Variants in CENPP observed in about 807,000 individuals in gnomAD.
The protein encoded by CENPP is centromere protein P.
In CENPP, 24 loss-of-function variants were observed where a neutral mutation model predicts 35.6. The ratio of observed to expected loss-of-function variants is 0.67; its 90% CI spans 0.49 to 0.95. The LOEUF is 0.95. Ranked by LOEUF, CENPP falls within the 40% of genes least tolerant of loss-of-function variation. The pLI, the probability that CENPP is intolerant of heterozygous loss-of-function variation, is 0.00. For missense variants in CENPP, 332 were observed against 345.3 expected (o/e 0.96, Z 0.31); for synonymous variants, 120 against 125.5 (o/e 0.96, Z 0.29).
intron 5 of CENPP, among the ~76,000 whole-genome samples, chr9:92,446,102 C>T (rs1404656148): frequency 6.6e-6 from 1 of 152,112 alleles, no homozygotes; most frequent in Admixed American, 6.5e-5. Context: ...CTCTCCATCA[C>T]TGGAAGTCTT....
chr9:92,352,021 T>C (rs1003187279), intron 4 of CENPP, among the ~76,000 whole-genome samples: 1 of 149,712 alleles, frequency 6.7e-6, no homozygotes, highest in African/African-American at 2.5e-5. Context: ...CTTTTTCTTT[T>C]CCTTTTTTTT....
chr9:92,415,124 C>G (rs1319535611), intron 5 of CENPP: 1 of 1,524,102 alleles, frequency 6.6e-7, no homozygotes, highest in Non-Finnish European at 8.8e-7. Flanking sequence ...TTTGTGAAGT[C>G]GTAAGTGTAT....
At chr9:92,610,976 C>T (rs566602281) in intron 5 of CENPP, 54 of 372,480 alleles carry the variant, frequency 1.4e-4, no homozygotes, top group African/African-American at 7.4e-4. Context: ...CTCTCCAGAC[C>T]GTCTGGGTTG....
chr9:92,611,125 T>G, intron 5 of CENPP, 189 bp from the exon 6 acceptor site: 4 of 621,180 alleles, frequency 6.4e-6, no homozygotes, highest in Middle Eastern at 4.3e-4. Flanking sequence ...CTGGAGGCTG[T>G]GGAGAGACCT....
chr9:92,417,061 TCTTTCC>T, intron 5 of CENPP: 1 of 1,613,834 alleles, frequency 6.2e-7, no homozygotes, highest in South Asian at 1.1e-5. Context: ...CAAGAAGGAG[TCTTTCC>T]AGAGATTTAG....
intron 4 of CENPP, among the ~76,000 whole-genome samples, chr9:92,361,074 A>G (rs772426817): frequency 6.6e-6 from 1 of 151,996 alleles, no homozygotes; most frequent in Non-Finnish European, 1.5e-5. Flanking sequence ...GACATGTTGC[A>G]TGTATCATGG....
intron 5 of CENPP, chr9:92,460,425 A>T (rs1467896926): frequency 4.4e-6 from 5 of 1,142,514 alleles, no homozygotes; most frequent in Non-Finnish European, 6.6e-6. Context: ...GTCCCTGTGC[A>T]CATTCTCCAG....
At chr9:92,333,535 T>G (rs1564262861) in intron 2 of CENPP, among the ~76,000 whole-genome samples, 1 of 152,222 alleles carries the variant, frequency 6.6e-6, no homozygotes, top group East Asian at 1.9e-4. Context: ...TTTTTTCCTG[T>G]GAGTAATATG....
rs376555184 is a variant in CENPP, at chr9:92,416,589, C to T, written c.564+36730C>T. On this transcript the variant is annotated intron_variant, in intron 5 of 7. Transcript: ENST00000375587. Reference sequence around the variant, plus strand: ...AAAAGATCAGGATTCCATTCTTTCTCTCTTCAAAACACAATAAAAGTCTAC... The same window carrying T: ...AAAAGATCAGGATTCCATTCTTTCTTTCTTCAAAACACAATAAAAGTCTAC... The T allele has an allele frequency of 2.2e-4, 284 of 1,302,216 alleles. 2 individuals carry two copies. The highest frequency in any genetic ancestry group is 6.3e-5 in the Non-Finnish European group (60 of 946,098). The allele number at this position is 1,302,216 out of a possible 1,614,324, so 80.7% of individuals were successfully genotyped here.
chr9:92,442,374 GACA>G (rs1287744693), intron 5 of CENPP, among the ~76,000 whole-genome samples: 3 of 123,652 alleles, frequency 2.4e-5, no homozygotes, highest in Non-Finnish European at 4.9e-5. Context: ...CTCCAGCCTG[GACA>G]ACAAGAGTGA....
At chr9:92,505,802 G>GT (rs1554677872) in intron 5 of CENPP, 73 of 853,944 alleles carry the variant, frequency 8.5e-5, no homozygotes, top group Non-Finnish European at 1.1e-4. Context: ...GGCAAATACA[G>GT]TTTTTTTTAA....
chr9:92,548,799 G>T (rs1193333146), intron 5 of CENPP, among the ~76,000 whole-genome samples: 1 of 152,126 alleles, frequency 6.6e-6, no homozygotes, highest in African/African-American at 2.4e-5. Context: ...GATAACATTT[G>T]TTCTTACACT....
chr9:92,365,691 G>A (rs915613520), intron 4 of CENPP, among the ~76,000 whole-genome samples: 1 of 151,586 alleles, frequency 6.6e-6, no homozygotes. Context: ...GATTATAGGC[G>A]TGAGCCACTG....
chr9:92,601,549 T>C (rs1850919026), intron 5 of CENPP, among the ~76,000 whole-genome samples: 1 of 152,202 alleles, frequency 6.6e-6, no homozygotes, highest in Non-Finnish European at 1.5e-5. Flanking sequence ...GTACCAGCCC[T>C]CATTTAAACG....
chr9:92,440,245 G>A (rs1035027052), intron 5 of CENPP, among the ~76,000 whole-genome samples: 4 of 151,942 alleles, frequency 2.6e-5, no homozygotes, highest in Admixed American at 1.3e-4. Context: ...AATCTATAAC[G>A]GGGTGCCTAG....
At chr9:92,348,364 G>A (rs1841354993) in intron 4 of CENPP, among the ~76,000 whole-genome samples, 1 of 149,942 alleles carries the variant, frequency 6.7e-6, no homozygotes, top group Admixed American at 6.7e-5. Flanking sequence ...TAACTGCTAT[G>A]CTCCTTCTTC....
chr9:92,579,181 C>T (rs1161642366), intron 5 of CENPP, among the ~76,000 whole-genome samples: 1 of 148,186 alleles, frequency 6.7e-6, no homozygotes, highest in East Asian at 2.0e-4. Flanking sequence ...GGTACCAGTA[C>T]CATGCTGTTT....
chr9:92,351,709 T>C (rs1841449711), intron 4 of CENPP, among the ~76,000 whole-genome samples: 1 of 151,962 alleles, frequency 6.6e-6, no homozygotes, highest in Admixed American at 6.6e-5. Flanking sequence ...CTGCTCACTG[T>C]AACCTCTACC....
intron 5 of CENPP, among the ~76,000 whole-genome samples, chr9:92,491,684 T>C (rs1281435726): frequency 1.3e-5 from 2 of 152,230 alleles, no homozygotes; most frequent in Non-Finnish European, 2.9e-5. Context: ...GTTTCTTCTT[T>C]GGTCCCTTTT....
Sources: allele counts gnomAD v4.1 joint callset (sites outside exome capture counted in the v4.1 genomes callset), GRCh38; gene constraint gnomAD v4.1.1; transcripts MANE v1.5; gene names NCBI Gene and HGNC (gene_info 2026-07-23, HGNC 2026-07-21).